Variants in UGT2B15 observed in about 807,000 individuals in gnomAD.
The protein encoded by UGT2B15 is UDP glucuronosyltransferase family 2 member B15, also known as UDP-glucuronosyltransferase 2B15.
UGT2B15 carries 36 observed loss-of-function variants against 45.9 expected under a neutral mutation model. That is an observed-to-expected ratio of 0.78 (90% CI 0.60 to 1.04). UGT2B15 has a LOEUF of 1.04. Ranked by LOEUF, UGT2B15 falls within the 50% of genes least tolerant of loss-of-function variation. The pLI, the probability that UGT2B15 is intolerant of heterozygous loss-of-function variation, is 0.00. For synonymous variants in UGT2B15, 219 were observed against 216.4 expected, an observed-to-expected ratio of 1.01 and a Z score of -0.11; for missense variants, 617 against 622.4, an observed-to-expected ratio of 0.99 and a Z score of 0.09.
intron 2 of UGT2B15, among the ~76,000 whole-genome samples, chr4:68,667,451 T>C (rs1733173925): frequency 6.6e-6 from 1 of 152,068 alleles, no homozygotes; most frequent in African/African-American, 2.4e-5. Context: ...GCAGGGATTA[T>C]AGGTGTGAGC....
Position 68,649,996 on chromosome 4 carries a change from A to G in UGT2B15, c.1314-2613T>C, listed in dbSNP as rs564443515. ...TATAGGTGCACACCACCATGCCCAG[A>G]TAATTTTTGTATTTTTAGTAGAGAC... On this transcript the variant is annotated intron_variant, in intron 5 of 5. Transcript: ENST00000338206. Among the ~76,000 whole-genome samples the G allele has an allele frequency of 4.0e-5, 6 of 151,624 alleles. No homozygotes were observed. The South Asian group carries it at 1.3e-3, about 32-fold the overall frequency.
At chr4:68,649,743 T>G (rs570997709) in intron 5 of UGT2B15, among the ~76,000 whole-genome samples, 3 of 152,148 alleles carry the variant, frequency 2.0e-5, no homozygotes, top group African/African-American at 7.2e-5. Context: ...TTTATCTCCT[T>G]AAATAAAATA....
intron 3 of UGT2B15, among the ~76,000 whole-genome samples, chr4:68,659,933 T>TG: frequency 6.6e-6 from 1 of 151,602 alleles, no homozygotes; most frequent in South Asian, 2.1e-4. Context: ...TGTTTTGTTT[T>TG]TTTTTCAGAG....
In UGT2B15 at chr4:68,647,196, A is replaced by G; in HGVS notation, c.1501T>C (p.Cys501Arg). The change falls in exon 6 of 6, where the codon TGC becomes CGC. Residue 501 changes from cysteine to arginine, a missense_variant. Coordinates refer to ENST00000338206, the MANE Select transcript of UGT2B15 (RefSeq NM_001076.4). ...SLDVIAFLLACVATVIFIITK... is the reference protein window; with the variant it reads ...SLDVIAFLLARVATVIFIITK... ...ATGATAAATATCACAGTTGCCACGC[A>G]GGCCAGCAGGAATGCTATCACATCC... is the stretch of plus-strand genomic sequence containing the variant. 6.2e-7 allele frequency: 1 copy of G among 1,613,984 alleles called. No homozygotes were observed. The highest frequency in any genetic ancestry group is 1.1e-5 in the South Asian group (1 of 91,072).
chr4:68,669,811 T>C, intron 1 of UGT2B15, 84 bp downstream of exon 1: 1 of 1,499,450 alleles, frequency 6.7e-7, no homozygotes, highest in Non-Finnish European at 8.9e-7. Flanking sequence ...AACACTATCT[T>C]CTGACATTAT....
At chr4:68,649,227 T>C (rs1270567685) in intron 5 of UGT2B15, among the ~76,000 whole-genome samples, 1 of 151,636 alleles carries the variant, frequency 6.6e-6, no homozygotes, top group Non-Finnish European at 1.5e-5. Flanking sequence ...TTAGTGTTTA[T>C]TTATGGCCCA....
intron 1 of UGT2B15, among the ~76,000 whole-genome samples, chr4:68,669,181 T>G (rs933991497): frequency 1.2e-4 from 19 of 152,112 alleles, no homozygotes; most frequent in Non-Finnish European, 2.2e-4. Flanking sequence ...AATTAAAACA[T>G]TTTCAGAATT....
rs756675434 is a variant in UGT2B15, at chr4:68,647,113, TTTC to T, written c.1581_1583del (p.Lys528del). ...CAGGCTTTTGATATAACTAATCTCT[TTTC>T]TTCTTCTTTCCTTTTTTGGCAAGCT... On this transcript the variant is annotated inframe_deletion, in exon 6 of 6. Coordinates refer to ENST00000338206, the MANE Select transcript of UGT2B15 (RefSeq NM_001076.4). 3 of 1,613,074 alleles carry T rather than the reference TTTC, an allele frequency of 1.9e-6. No homozygotes were observed. Among genetic ancestry groups the T allele is most frequent in the Admixed American group, 1.7e-5 (1 of 59,926 alleles).
rs1733191340 is a variant in UGT2B15 at position 68,668,041 on chromosome 4, T to G, written c.872A>C (p.Lys291Thr). ...CAAATGAAACAAGAATACATTTACC[T>G]TAGGCAGGGGTTTGGCTGGTTTACA... ...LHCKPAKPLPKEMEEFVQSSG... is the reference protein window; with the variant it reads ...LHCKPAKPLPTEMEEFVQSSG... Residue 291 changes from lysine (K) to threonine (T), a missense_variant and splice_region_variant, in exon 2 of 6, where the codon AAG becomes ACG. Physicochemically the swap from Lys to Thr is moderately conservative, Grantham distance 78 (BLOSUM62 -1). Transcript: ENST00000338206. 6.2e-7 allele frequency: 1 copy of G among 1,613,752 alleles called. No individual in the cohort carries two copies. The highest frequency in any genetic ancestry group is 1.3e-5 in the African/African-American group (1 of 74,906).
At chr4:68,653,334 A>T (rs1254994823) in intron 5 of UGT2B15, among the ~76,000 whole-genome samples, 2 of 152,060 alleles carry the variant, frequency 1.3e-5, no homozygotes, top group African/African-American at 4.8e-5. Flanking sequence ...GATACATCCT[A>T]CAACATAAAT....
At chr4:68,649,869 G>C (rs1348394657) in intron 5 of UGT2B15, among the ~76,000 whole-genome samples, 1 of 150,766 alleles carries the variant, frequency 6.6e-6, no homozygotes, top group Middle Eastern at 3.2e-3. Context: ...ATGGAGTCTC[G>C]CTCTGTCACC....
chr4:68,667,801 G>A (rs1432975383), intron 2 of UGT2B15, among the ~76,000 whole-genome samples: 1 of 152,114 alleles, frequency 6.6e-6, no homozygotes, highest in African/African-American at 2.4e-5. Flanking sequence ...GTGGCACAAT[G>A]AAGGCCTTAC....
chr4:68,654,755 A>C (rs1732754670), intron 4 of UGT2B15, among the ~76,000 whole-genome samples: 1 of 151,948 alleles, frequency 6.6e-6, no homozygotes, highest in African/African-American at 2.4e-5. Flanking sequence ...GTGCCTGTTG[A>C]AATAACCCTG....
intron 2 of UGT2B15, among the ~76,000 whole-genome samples, chr4:68,666,388 T>A (rs1325510523): frequency 3.9e-5 from 6 of 152,166 alleles, no homozygotes; most frequent in Non-Finnish European, 8.8e-5. Context: ...TTAGCTAATT[T>A]AAAGTATTAA....
At chr4:68,649,413 G>T (rs1361169132) in intron 5 of UGT2B15, among the ~76,000 whole-genome samples, 2 of 150,330 alleles carry the variant, frequency 1.3e-5, no homozygotes, top group Non-Finnish European at 3.0e-5. Flanking sequence ...CAAGTATCTG[G>T]GACTACAGGT....
At chr4:68,669,345 G>A (rs1231458918) in intron 1 of UGT2B15, among the ~76,000 whole-genome samples, 2 of 152,014 alleles carry the variant, frequency 1.3e-5, no homozygotes, top group Non-Finnish European at 2.9e-5. Context: ...GTTATTGAAG[G>A]AATGTATAAA....
chr4:68,647,255 G>A lies in UGT2B15; in HGVS notation c.1442C>T (p.Ala481Val), dbSNP rs1732507143. Residue 481 changes from alanine to valine, a missense_variant, in exon 6 of 6, where the codon GCT becomes GTT. Ala to Val is a moderately conservative substitution (Grantham distance 64). Around this residue, in one of 3 missense-constraint regions of UGT2B15, gnomAD observed 265 missense variants for 245.1 expected, o/e 1.08. Transcript: ENST00000338206. ...GTACTGGATCCAGGTGAGGTTGTGA[G>A]CTGCGACTCGAAGGTGCTTGGCTCC... ...HKGAKHLRVA[A>V]HNLTWIQYHS... 1.2e-6 allele frequency: 2 copies of A among 1,613,900 alleles called. No homozygotes were observed. Among genetic ancestry groups the A allele is most frequent in the Non-Finnish European group, 1.7e-6 (2 of 1,179,938 alleles).
Position 68,657,452 on chromosome 4 carries a change from C to T in UGT2B15, c.1006-2270G>A, listed in dbSNP as rs571796085. Among the ~76,000 whole-genome samples the T allele has an allele frequency of 1.4e-4, 22 of 152,214 alleles. No homozygotes were observed. The East Asian group carries it at 2.5e-3, about 17-fold the overall frequency. ...GTGACACACTGTGGAGTACTGCCCA[C>T]AAGCAGCACACATTGATTCACCACA... On this transcript the variant is annotated intron_variant, in intron 3 of 5. Transcript: ENST00000338206.
At position 68,647,000 on chromosome 4, in the gene UGT2B15, T is replaced by C. The variant is rs1481280564; in HGVS notation, c.*104A>G. On this transcript the variant is annotated 3_prime_UTR_variant, in exon 6 of 6. Transcript: ENST00000338206. ...CTTAACAAGGTAAGTTGTGAAAAGATGTTTTGTCACAGGAAAAAGGAAATC... is the reference window on the plus strand; with the variant it reads ...CTTAACAAGGTAAGTTGTGAAAAGACGTTTTGTCACAGGAAAAAGGAAATC... 9.4e-6 allele frequency: 14 copies of C among 1,492,186 alleles called. No individual in the cohort carries two copies. Among genetic ancestry groups the C allele is most frequent in the Admixed American group, 4.5e-5 (2 of 44,400 alleles). The allele number at this position is 1,492,186 out of a possible 1,614,324, so 92.4% of individuals were successfully genotyped here.
Sources: gnomAD v4.1 joint callset for allele counts (sites outside exome capture counted in the v4.1 genomes callset) on GRCh38, gnomAD v4.1.1 for gene constraint, gnomAD v4.1.1 regional missense constraint, MANE v1.5 for transcripts, NCBI Gene and HGNC (gene_info 2026-07-23, HGNC 2026-07-21) for gene names.